VTI1A: variants seen among roughly 807,000 people sequenced by gnomAD.
VTI1A encodes vesicle transport through interaction with t-SNAREs homolog 1A.
VTI1A carries 22 observed loss-of-function variants against 34.9 expected under a neutral mutation model. That is an observed-to-expected ratio of 0.63 (90% CI 0.45 to 0.90). VTI1A has a LOEUF of 0.90. Ranked by LOEUF, VTI1A falls within the 40% of genes least tolerant of loss-of-function variation. The pLI is 0.00. For synonymous variants in VTI1A, 87 were observed against 97.3 expected, an observed-to-expected ratio of 0.89 and a Z score of 0.62; for missense variants, 268 against 275.6, an observed-to-expected ratio of 0.97 and a Z score of 0.20.
intron 5 of VTI1A, 40 bp from the exon 6 acceptor site, chr10:112,668,178 T>TC: frequency 1.3e-6 from 2 of 1,581,284 alleles, no homozygotes; most frequent in Non-Finnish European, 1.7e-6. Flanking sequence ...TCATATGCAC[T>TC]CCAAGTCATT....
Position 112,618,489 on chromosome 10 carries a change from TTATATA to T in VTI1A, c.428-49698_428-49693del, listed in dbSNP as rs1209916722. On this transcript the variant is annotated intron_variant, in intron 5 of 7. Coordinates refer to ENST00000393077, the MANE Select transcript of VTI1A (RefSeq NM_145206.4). ...ATAATGAAATATACAAATGATTATA[TTATATA>T]TATATATATATATATATATATATAT... 3.7e-3 allele frequency among the ~76,000 whole-genome samples: 277 copies of T among 74,336 alleles called. 5 individuals carry two copies. Among genetic ancestry groups the T allele is most frequent in the African/African-American group, 0.017 (254 of 15,028 alleles). The allele number at this position is 74,336 out of a possible 152,430, so 48.8% of individuals were successfully genotyped here.
chr10:112,842,985 G>C, the VTI1A span, among the ~76,000 whole-genome samples: 2 of 152,098 alleles, frequency 1.3e-5, no homozygotes, highest in Non-Finnish European at 2.9e-5. Flanking sequence ...GGTGATTTAC[G>C]GGAGCTCACC....
intron 7 of VTI1A, among the ~76,000 whole-genome samples, chr10:112,707,139 G>GT (rs1288817510): frequency 2.0e-5 from 3 of 152,156 alleles, no homozygotes; most frequent in East Asian, 3.9e-4. Flanking sequence ...ACCATTGGGG[G>GT]TTTTTTGTGG....
intron 7 of VTI1A, among the ~76,000 whole-genome samples, chr10:112,680,018 C>G (rs1300074155): frequency 3.9e-5 from 6 of 152,060 alleles, no homozygotes; most frequent in Admixed American, 3.9e-4. Flanking sequence ...AGTCTACAAC[C>G]AACTCCAAAA....
At chr10:112,615,389 G>A (rs1206048094) in intron 5 of VTI1A, among the ~76,000 whole-genome samples, 1 of 152,110 alleles carries the variant, frequency 6.6e-6, no homozygotes, top group Non-Finnish European at 1.5e-5. Context: ...ATTGTCAAGG[G>A]AGTCTTCACT....
chr10:112,834,857 G>A, the VTI1A span, among the ~76,000 whole-genome samples: 1 of 152,142 alleles, frequency 6.6e-6, no homozygotes, highest in African/African-American at 2.4e-5. Flanking sequence ...GTCTCTTCAG[G>A]GGCCTTCAGC....
chr10:112,527,149 T>G lies in VTI1A; in HGVS notation c.327T>G (p.Asn109Lys). The G allele has an allele frequency of 1.2e-6, 2 of 1,613,416 alleles. No individual in the cohort carries two copies. Among genetic ancestry groups the G allele is most frequent in the Non-Finnish European group, 1.7e-6 (2 of 1,179,618 alleles). ...ATGAGCTCCTGGGGGATGATGGGAA[T>G]TCCTCAGAGAACCAGGTAGAATGCT... ...VRNELLGDDG[N>K]SSENQRAHLL... Residue 109 changes from asparagine (N) to lysine (K), a missense_variant, in exon 4 of 8, where the codon AAT becomes AAG. Coordinates refer to ENST00000393077, the MANE Select transcript of VTI1A (RefSeq NM_145206.4).
At chr10:112,582,739 G>A (rs1029174134) in intron 5 of VTI1A, among the ~76,000 whole-genome samples, 26 of 152,036 alleles carry the variant, frequency 1.7e-4, no homozygotes, top group African/African-American at 6.3e-4. Flanking sequence ...TCTTATACTT[G>A]ATTAGTGCCT....
intron 3 of VTI1A, among the ~76,000 whole-genome samples, chr10:112,503,215 C>T (rs572097361): frequency 5.3e-5 from 8 of 152,170 alleles, no homozygotes; most frequent in Admixed American, 5.2e-4. Flanking sequence ...CTTATTTTTT[C>T]TGTCTTACTG....
intron 5 of VTI1A, among the ~76,000 whole-genome samples, chr10:112,582,296 G>GTAATACCCATGGATATCTGGA (rs1843980869): frequency 6.6e-6 from 1 of 152,114 alleles, no homozygotes; most frequent in African/African-American, 2.4e-5. Context: ...TCCCCAGTGT[G>GTAATACCCATGGATATCTGGA]CATTCTCCAG....
Position 112,727,993 on chromosome 10 carries a change from C to G in VTI1A, c.560+58995C>G, listed in dbSNP as rs538296344. On this transcript the variant is annotated intron_variant, in intron 7 of 7. Transcript: ENST00000393077. ...CCTCACAGCCCCTCTTCACCACCCC[C>G]ATACCCAGTAGGGTCCATTCCACAC... 4.6e-5 allele frequency among the ~76,000 whole-genome samples: 7 copies of G among 152,266 alleles called. No homozygotes were observed. The South Asian group carries it at 1.5e-3, about 32-fold the overall frequency.
At chr10:112,531,753 C>A (rs1257104021) in intron 4 of VTI1A, among the ~76,000 whole-genome samples, 2 of 152,156 alleles carry the variant, frequency 1.3e-5, no homozygotes, top group African/African-American at 4.8e-5. Context: ...ATAGTGCCCC[C>A]AGAAAGAAAA....
intron 3 of VTI1A, among the ~76,000 whole-genome samples, chr10:112,506,445 G>A (rs1849430953): frequency 1.3e-5 from 2 of 152,096 alleles, no homozygotes; most frequent in South Asian, 4.1e-4. Context: ...GGGCTACTAT[G>A]CCATTTTGTG....
At position 112,781,214 on chromosome 10, in the gene VTI1A, G is replaced by GGATT. The variant is rs1666247259; in HGVS notation, c.561-34075_561-34072dup. Among the ~76,000 whole-genome samples, 5 of 152,112 alleles carry GGATT rather than the reference G, an allele frequency of 3.3e-5. No individual in the cohort carries two copies. The South Asian group carries it at 1.0e-3, about 32-fold the overall frequency. On this transcript the variant is annotated intron_variant, in intron 7 of 7. Transcript: ENST00000393077. Reference sequence around the variant, plus strand: ...CCCGCCTCGGCCTCCCAGAGTGCTGGGATTACAGGCATGAGCCACCGCGCC... The same window carrying GGATT: ...CCCGCCTCGGCCTCCCAGAGTGCTGGGATTGATTACAGGCATGAGCCACCGCGCC...
intron 5 of VTI1A, among the ~76,000 whole-genome samples, chr10:112,596,999 A>G (rs572710244): frequency 6.6e-6 from 1 of 152,292 alleles, no homozygotes; most frequent in Admixed American, 6.5e-5. Context: ...TGCTCAGGAA[A>G]GCCTTCCATA....
intron 5 of VTI1A, among the ~76,000 whole-genome samples, chr10:112,601,527 G>A (rs866724915): frequency 2.0e-5 from 3 of 151,272 alleles, no homozygotes; most frequent in African/African-American, 4.9e-5. Context: ...ATGCCTTGTC[G>A]ACTCTCTTTA....
chr10:112,695,237 A>G (rs1401616854), intron 7 of VTI1A, among the ~76,000 whole-genome samples: 1 of 152,186 alleles, frequency 6.6e-6, no homozygotes. Flanking sequence ...GCATTTAATT[A>G]CTTAAAGCAT....
chr10:112,849,894 G>A, the VTI1A span, among the ~76,000 whole-genome samples: 5 of 152,158 alleles, frequency 3.3e-5, no homozygotes, highest in East Asian at 7.7e-4. Context: ...GTGCAAGGGC[G>A]AGGGTGTCCC....
chr10:112,539,440 T>G (rs1334952929), intron 5 of VTI1A, among the ~76,000 whole-genome samples: 2 of 152,298 alleles, frequency 1.3e-5, no homozygotes, highest in East Asian at 3.9e-4. Context: ...GTGAAAAAAC[T>G]AAAGAAAACC....
Sources: allele counts gnomAD v4.1 joint callset (sites outside exome capture counted in the v4.1 genomes callset), GRCh38; gene constraint gnomAD v4.1.1; transcripts MANE v1.5; gene names NCBI Gene and HGNC (gene_info 2026-07-23, HGNC 2026-07-21).